CCSER1: variants seen among roughly 807,000 people sequenced by gnomAD.
The protein encoded by CCSER1 is serine-rich coiled-coil domain-containing protein 1.
In CCSER1, 41 loss-of-function variants were observed where a neutral mutation model predicts 82.0. The observed-to-expected ratio is 0.50, with a 90% CI of 0.39 to 0.65. CCSER1 has a LOEUF of 0.65. Ranked by LOEUF, CCSER1 falls within the 30% of genes least tolerant of loss-of-function variation. CCSER1 has a pLI of 0.00. For synonymous variants in CCSER1, 414 were observed against 383.9 expected, an observed-to-expected ratio of 1.08 and a Z score of -0.92; for missense variants, 1,119 against 1,064.2, an observed-to-expected ratio of 1.05 and a Z score of -0.72.
intron 10 of CCSER1, among the ~76,000 whole-genome samples, chr4:91,149,620 T>C (rs923288045): frequency 2.0e-5 from 3 of 152,202 alleles, no homozygotes; most frequent in Admixed American, 1.3e-4. Context: ...AGGTCTGACA[T>C]TGAAGTCTTT....
chr4:90,348,847 G>T (rs895792860), intron 3 of CCSER1, among the ~76,000 whole-genome samples: 1 of 152,066 alleles, frequency 6.6e-6, no homozygotes, highest in African/African-American at 2.4e-5. Context: ...GGTCTTAAAC[G>T]TTGTTGTGAA....
At chr4:90,166,771 T>C (rs1268511448) in intron 1 of CCSER1, among the ~76,000 whole-genome samples, 4 of 151,996 alleles carry the variant, frequency 2.6e-5, no homozygotes, top group Admixed American at 2.6e-4. Flanking sequence ...GTTTCAAATA[T>C]CAGCTTTAAA....
At chr4:91,590,367 G>A (rs1764205984) in intron 10 of CCSER1, among the ~76,000 whole-genome samples, 1 of 151,962 alleles carries the variant, frequency 6.6e-6, no homozygotes, top group Non-Finnish European at 1.5e-5. Flanking sequence ...CTTATTACAG[G>A]GCTTCCTGCT....
intron 1 of CCSER1, among the ~76,000 whole-genome samples, chr4:90,138,318 A>T (rs1285785540): frequency 3.3e-5 from 5 of 152,114 alleles, no homozygotes; most frequent in African/African-American, 1.2e-4. Context: ...ATGCCTCCCG[A>T]GTAGCTGGGA....
intron 10 of CCSER1, among the ~76,000 whole-genome samples, chr4:91,530,172 A>C (rs1760951733): frequency 6.6e-6 from 1 of 152,176 alleles, no homozygotes; most frequent in Non-Finnish European, 1.5e-5. Context: ...GAGGGCCTTG[A>C]GCCTCAAAAG....
At chr4:91,573,633 T>C (rs568284293) in intron 10 of CCSER1, among the ~76,000 whole-genome samples, 1 of 152,344 alleles carries the variant, frequency 6.6e-6, no homozygotes, top group South Asian at 2.1e-4. Flanking sequence ...TGGGGAGGTT[T>C]CCCTGGCTTC....
chr4:91,162,411 T>C (rs745482912), intron 10 of CCSER1, among the ~76,000 whole-genome samples: 10 of 152,132 alleles, frequency 6.6e-5, no homozygotes, highest in Non-Finnish European at 1.0e-4. Flanking sequence ...TGTGGCTCTG[T>C]CAGGCTTTGG....
chr4:90,486,367 C>T (rs1767058379), intron 5 of CCSER1, among the ~76,000 whole-genome samples: 1 of 152,190 alleles, frequency 6.6e-6, no homozygotes, highest in Admixed American at 6.5e-5. Flanking sequence ...CTATAATTTT[C>T]CTCAGTCTTC....
At chr4:91,066,621 G>A (rs1338001976) in intron 9 of CCSER1, among the ~76,000 whole-genome samples, 1 of 152,166 alleles carries the variant, frequency 6.6e-6, no homozygotes, top group Non-Finnish European at 1.5e-5. Flanking sequence ...AACTGGAGAA[G>A]TAGAACAAAT....
intron 7 of CCSER1, among the ~76,000 whole-genome samples, chr4:90,744,660 T>G (rs1254476414): frequency 6.6e-6 from 1 of 152,080 alleles, no homozygotes; most frequent in Non-Finnish European, 1.5e-5. Flanking sequence ...AGATGACCGA[T>G]GGGCAAGCAG....
chr4:90,989,626 C>T (rs1736854651), intron 9 of CCSER1, among the ~76,000 whole-genome samples: 1 of 151,664 alleles, frequency 6.6e-6, no homozygotes, highest in South Asian at 2.1e-4. Flanking sequence ...AGTGACCTTC[C>T]TTTTGAAAGG....
intron 7 of CCSER1, among the ~76,000 whole-genome samples, chr4:90,726,559 T>G (rs1169533030): frequency 6.6e-6 from 1 of 152,066 alleles, no homozygotes; most frequent in Non-Finnish European, 1.5e-5. Flanking sequence ...TTTTCCAATA[T>G]GGCAGCATTT....
At chr4:90,499,534 T>C (rs1769532820) in intron 5 of CCSER1, among the ~76,000 whole-genome samples, 1 of 152,222 alleles carries the variant, frequency 6.6e-6, no homozygotes, top group Non-Finnish European at 1.5e-5. Flanking sequence ...ACATGCCTTG[T>C]GATTAATATC....
At chr4:90,479,458 T>C (rs1765583445) in intron 5 of CCSER1, among the ~76,000 whole-genome samples, 2 of 152,172 alleles carry the variant, frequency 1.3e-5, no homozygotes, top group Non-Finnish European at 2.9e-5. Flanking sequence ...ACATGTGCCA[T>C]GTTGGTGTGC....
chr4:90,388,641 A>AT (rs552828050), intron 3 of CCSER1, among the ~76,000 whole-genome samples: 51 of 128,864 alleles, frequency 4.0e-4, no homozygotes, highest in Middle Eastern at 6.8e-3. Context: ...TATTATGATA[A>AT]TTTTTTTTTT....
intron 7 of CCSER1, among the ~76,000 whole-genome samples, chr4:90,811,985 TATATAAACAC>T (rs757317596): frequency 2.3e-5 from 3 of 133,054 alleles, no homozygotes; most frequent in East Asian, 2.2e-4. Context: ...TATATATATA[TATATAAACAC>T]ATATATATAT....
At chr4:90,785,515 C>A (rs1754382997) in intron 7 of CCSER1, among the ~76,000 whole-genome samples, 1 of 152,152 alleles carries the variant, frequency 6.6e-6, no homozygotes, top group Non-Finnish European at 1.5e-5. Context: ...AAGTCTATTA[C>A]TTTCAAGATA....
intron 6 of CCSER1, among the ~76,000 whole-genome samples, chr4:90,712,231 T>G (rs1740750038): frequency 6.6e-6 from 1 of 152,024 alleles, no homozygotes; most frequent in African/African-American, 2.4e-5. Flanking sequence ...TTACTTGTGA[T>G]ATTAGGTTTT....
At chr4:90,314,838 T>C (rs1248866091) in intron 3 of CCSER1, among the ~76,000 whole-genome samples, 4 of 61,656 alleles carry the variant, frequency 6.5e-5, no homozygotes, top group Non-Finnish European at 1.3e-4. Context: ...TCAGATTTAC[T>C]TTTTTTTTTT....
Sources: gnomAD v4.1 joint callset for allele counts (sites outside exome capture counted in the v4.1 genomes callset) on GRCh38, gnomAD v4.1.1 for gene constraint, MANE v1.5 for transcripts, NCBI Gene and HGNC (gene_info 2026-07-23, HGNC 2026-07-21) for gene names.